Variants in ANO4 observed in about 807,000 individuals in gnomAD.
ANO4 encodes anoctamin-4.
A neutral mutation model predicts 141.9 loss-of-function variants in ANO4; 69 were observed. The ratio of observed to expected loss-of-function variants is 0.49; its 90% CI spans 0.40 to 0.59. ANO4 has a LOEUF of 0.59. ANO4 is among the 20% of genes least tolerant of loss of function. ANO4 has a pLI of 0.00. For missense variants in ANO4, 894 were observed against 1,162.2 expected, an observed-to-expected ratio of 0.77 and a Z score of 3.36; for synonymous variants, 350 against 394.3, an observed-to-expected ratio of 0.89 and a Z score of 1.33.
intron 1 of ANO4, among the ~76,000 whole-genome samples, chr12:100,878,069 T>C (rs1194528745): frequency 1.3e-5 from 2 of 152,160 alleles, no homozygotes; most frequent in African/African-American, 4.8e-5. Context: ...GTATCTCAGC[T>C]AGTTACCAAA....
At chr12:100,949,465 T>C (rs2042880983) in intron 5 of ANO4, among the ~76,000 whole-genome samples, 1 of 152,248 alleles carries the variant, frequency 6.6e-6, no homozygotes, top group Admixed American at 6.5e-5. Flanking sequence ...TTTAATTAAG[T>C]GAGATCATTT....
intron 14 of ANO4, chr12:101,068,752 A>G (rs1187135178): frequency 1.2e-5 from 15 of 1,281,942 alleles, no homozygotes; most frequent in South Asian, 4.8e-5. Flanking sequence ...CGATGACTAT[A>G]TTCACACTGC....
At chr12:101,022,635 T>G (rs1195245911) in intron 9 of ANO4, among the ~76,000 whole-genome samples, 1 of 152,260 alleles carries the variant, frequency 6.6e-6, no homozygotes, top group Non-Finnish European at 1.5e-5. Context: ...TGAGTGAAAG[T>G]GAAGTTATTA....
intron 8 of ANO4, among the ~76,000 whole-genome samples, chr12:100,996,384 G>C (rs1384999555): frequency 6.6e-6 from 1 of 152,170 alleles, no homozygotes; most frequent in Admixed American, 6.5e-5. Flanking sequence ...TGGAGGGTTT[G>C]TAAGAATGGG....
chr12:100,799,003 G>A (rs1173703190), intron 1 of ANO4, among the ~76,000 whole-genome samples: 1 of 152,190 alleles, frequency 6.6e-6, no homozygotes, highest in African/African-American at 2.4e-5. Flanking sequence ...CCTCCTCTGA[G>A]TGTCAGAGAG....
At chr12:100,981,132 A>C (rs1407425717) in intron 7 of ANO4, among the ~76,000 whole-genome samples, 1 of 152,184 alleles carries the variant, frequency 6.6e-6, no homozygotes, top group African/African-American at 2.4e-5. Context: ...ATACAGGCAA[A>C]AGGACAAAAT....
rs1442406726 is a variant in ANO4 at position 101,086,647 on chromosome 12, G to T, written c.1537-13G>T. On this transcript the variant is annotated splice_polypyrimidine_tract_variant and intron_variant, in intron 16 of 27. Coordinates refer to ENST00000392977, the MANE Select transcript of ANO4 (RefSeq NM_001286615.2). ...CACCAAGAGGTTCACCGGGTGTCTT[G>T]TCTTCCTGCCAGATCTGCGTGGTGA... 1 of 1,613,056 alleles carries T rather than the reference G, an allele frequency of 6.2e-7. No homozygotes were observed. The highest frequency in any genetic ancestry group is 1.3e-5 in the African/African-American group (1 of 74,950).
At position 100,889,349 on chromosome 12, in the gene ANO4, A is replaced by G. The variant is rs571021197; in HGVS notation, c.-140-12297A>G. 1.1e-4 allele frequency among the ~76,000 whole-genome samples: 16 copies of G among 152,264 alleles called. No homozygotes were observed. The East Asian group carries it at 2.5e-3, about 24-fold the overall frequency. On this transcript the variant is annotated intron_variant, in intron 1 of 27. Transcript: ENST00000392977. ...AGTGCCGCAGTAAACATATGTGTGC[A>G]TGTGTCTTTATAGCAGCATGATTTA...
chr12:100,725,849 G>A, intron 1 of ANO4, among the ~76,000 whole-genome samples: 1 of 152,176 alleles, frequency 6.6e-6, no homozygotes, highest in East Asian at 1.9e-4. Flanking sequence ...CTCATGTCAG[G>A]ATATCAGTTC....
intron 13 of ANO4, among the ~76,000 whole-genome samples, chr12:101,047,404 G>C (rs1566173204): frequency 6.6e-6 from 1 of 152,114 alleles, no homozygotes; most frequent in African/African-American, 2.4e-5. Flanking sequence ...TCAGACATTT[G>C]TCTCACAGTA....
intron 1 of ANO4, among the ~76,000 whole-genome samples, chr12:100,725,592 C>T (rs898865955): frequency 1.4e-4 from 22 of 152,100 alleles, no homozygotes; most frequent in African/African-American, 5.3e-4. Context: ...GTGATCCACC[C>T]GCCTCGGCCT....
At chr12:100,870,897 T>G (rs182538655) in intron 1 of ANO4, among the ~76,000 whole-genome samples, 2 of 152,306 alleles carry the variant, frequency 1.3e-5, no homozygotes, top group Non-Finnish European at 2.9e-5. Context: ...CAGTGATATT[T>G]TTTCAGGTAT....
rs532604123 is a variant in ANO4 at position 101,018,003 on chromosome 12, G to C, written c.735-2031G>C. On this transcript the variant is annotated intron_variant, in intron 8 of 27. Coordinates refer to ENST00000392977, the MANE Select transcript of ANO4 (RefSeq NM_001286615.2). ...AAAATGTAATGTGATGCTATAAAAA[G>C]GGAAGGAAGCAGAAAACCATTTAAT... Among the ~76,000 whole-genome samples the C allele has an allele frequency of 2.6e-3, 397 of 152,324 alleles. 2 individuals carry two copies. Among genetic ancestry groups the C allele is most frequent in the African/African-American group, 9.1e-3 (379 of 41,578 alleles).
rs144142640 is a variant in ANO4, at chr12:100,964,277, A to G, written c.457-7029A>G. ...CTCCATTCCTTACTTGAGTAAACTTAGCCAAGGTACCAGACTTCTTTGTGC... is the reference window on the plus strand; with the variant it reads ...CTCCATTCCTTACTTGAGTAAACTTGGCCAAGGTACCAGACTTCTTTGTGC... On this transcript the variant is annotated intron_variant, in intron 5 of 27. Coordinates refer to ENST00000392977, the MANE Select transcript of ANO4 (RefSeq NM_001286615.2). Among the ~76,000 whole-genome samples, 625 of 152,282 alleles carry G rather than the reference A, an allele frequency of 4.1e-3. 3 individuals carry two copies. Among genetic ancestry groups the G allele is most frequent in the African/African-American group, 0.013 (560 of 41,570 alleles).
chr12:100,783,170 G>A (rs2033761687), intron 3 of ANO4, among the ~76,000 whole-genome samples: 1 of 152,100 alleles, frequency 6.6e-6, no homozygotes, highest in African/African-American at 2.4e-5. Context: ...TGACAAAGGC[G>A]ATCTGATTGA....
intron 3 of ANO4, among the ~76,000 whole-genome samples, chr12:100,754,304 C>CT (rs2032516050): frequency 6.6e-6 from 1 of 152,208 alleles, no homozygotes; most frequent in South Asian, 2.1e-4. Context: ...AGTCTATGCT[C>CT]TTTTCTTTAG....
chr12:100,963,685 G>A (rs138988734), intron 5 of ANO4, among the ~76,000 whole-genome samples: 53 of 152,248 alleles, frequency 3.5e-4, no homozygotes, highest in African/African-American at 1.3e-3. Flanking sequence ...GCTCATAAAA[G>A]TACAAGTCAT....
intron 1 of ANO4, chr12:100,859,169 G>C (rs981216921): frequency 6.6e-6 from 1 of 151,956 alleles, no homozygotes; most frequent in Non-Finnish European, 1.5e-5. Context: ...AGTATAGTTC[G>C]GTCCAGGCTC....
intron 8 of ANO4, among the ~76,000 whole-genome samples, chr12:100,989,421 T>C (rs1005375497): frequency 2.0e-5 from 3 of 152,254 alleles, no homozygotes; most frequent in African/African-American, 7.2e-5. Context: ...CGGAATGATG[T>C]CTGGTTTACA....
Sources: allele counts gnomAD v4.1 joint callset (sites outside exome capture counted in the v4.1 genomes callset), GRCh38; gene constraint gnomAD v4.1.1; transcripts MANE v1.5; gene names NCBI Gene and HGNC (gene_info 2026-07-23, HGNC 2026-07-21).